The following NRXN1 variants were observed in gnomAD, a reference collection of about 807,000 sequenced individuals.
The protein encoded by NRXN1 is neurexin 1, also known as neurexin-1.
In NRXN1, 39 loss-of-function variants were observed where a neutral mutation model predicts 150.9. The ratio of observed to expected loss-of-function variants is 0.26; its 90% confidence interval spans 0.20 to 0.34. NRXN1 has a LOEUF of 0.34. Ranked by LOEUF, NRXN1 falls within the 10% of genes least tolerant of loss-of-function variation. NRXN1 has a pLI of 1.00. For synonymous variants in NRXN1, 924 were observed against 757.0 expected (o/e 1.22, Z -3.62); for missense variants, 1,815 against 1,949.9 (o/e 0.93, Z 1.30).
intron 21 of NRXN1, among the ~76,000 whole-genome samples, chr2:50,012,836 T>G (rs890415024): frequency 4.6e-5 from 7 of 152,154 alleles, no homozygotes; most frequent in African/African-American, 1.7e-4. Flanking sequence ...CATTTGAGTA[T>G]TGTTTTGTAT....
At chr2:50,488,767 A>G (rs772156709) in intron 15 of NRXN1, among the ~76,000 whole-genome samples, 40 of 152,188 alleles carry the variant, frequency 2.6e-4, no homozygotes, top group Non-Finnish European at 4.9e-4. Context: ...AACCCTGAAG[A>G]TTTAAATCTT....
chr2:49,976,682 C>G (rs572368727), intron 21 of NRXN1, among the ~76,000 whole-genome samples: 1 of 152,100 alleles, frequency 6.6e-6, no homozygotes. Flanking sequence ...TTCTGGCAAT[C>G]TCTGCTGAAG....
intron 5 of NRXN1, among the ~76,000 whole-genome samples, chr2:50,830,594 C>T (rs1671272479): frequency 6.6e-6 from 1 of 151,404 alleles, no homozygotes. Flanking sequence ...CATGAGCTGC[C>T]TGCACCAAGG....
intron 18 of NRXN1, among the ~76,000 whole-genome samples, chr2:50,123,068 A>C (rs1364085640): frequency 1.3e-5 from 2 of 152,216 alleles, no homozygotes; most frequent in African/African-American, 4.8e-5. Flanking sequence ...ATTTCAACTT[A>C]CATTTACCAA....
intron 8 of NRXN1, among the ~76,000 whole-genome samples, chr2:50,599,390 A>G (rs1171550266): frequency 1.3e-5 from 2 of 152,216 alleles, no homozygotes; most frequent in Admixed American, 1.3e-4. Flanking sequence ...GTAATAAAGA[A>G]ATATGTTTAC....
chr2:50,979,691 C>A (rs1030845894), intron 2 of NRXN1, among the ~76,000 whole-genome samples: 1 of 152,004 alleles, frequency 6.6e-6, no homozygotes, highest in Non-Finnish European at 1.5e-5. Flanking sequence ...CCTGTAAAAC[C>A]CCATGGATTC....
chr2:50,641,638 T>G (rs1217468161), intron 5 of NRXN1, among the ~76,000 whole-genome samples: 1 of 152,112 alleles, frequency 6.6e-6, no homozygotes, highest in Non-Finnish European at 1.5e-5. Flanking sequence ...GTGGGCAGCC[T>G]TAGCAGATTT....
intron 17 of NRXN1, among the ~76,000 whole-genome samples, chr2:50,342,566 C>A (rs187515634): frequency 7.8e-4 from 119 of 152,342 alleles, no homozygotes; most frequent in African/African-American, 2.6e-3. Flanking sequence ...TAACCTCCTG[C>A]CTCCTGGAAA....
chr2:50,012,993 G>C (rs747647289), intron 21 of NRXN1, among the ~76,000 whole-genome samples: 3 of 152,024 alleles, frequency 2.0e-5, no homozygotes, highest in Non-Finnish European at 4.4e-5. Flanking sequence ...TTGTGGGGGA[G>C]AAACCCTACC....
intron 5 of NRXN1, among the ~76,000 whole-genome samples, chr2:50,742,618 A>G (rs1699563542): frequency 6.6e-6 from 1 of 151,706 alleles, no homozygotes; most frequent in Non-Finnish European, 1.5e-5. Flanking sequence ...AAAAAAAAAA[A>G]AAAAAGAAAA....
At chr2:50,573,172 C>A (rs1670908085) in intron 8 of NRXN1, among the ~76,000 whole-genome samples, 1 of 151,868 alleles carries the variant, frequency 6.6e-6, no homozygotes, top group South Asian at 2.1e-4. Flanking sequence ...GAGTTCGAGA[C>A]CAGCCTAGGC....
chr2:50,519,049 CAA>C (rs1453192045), intron 12 of NRXN1, among the ~76,000 whole-genome samples: 1 of 151,818 alleles, frequency 6.6e-6, no homozygotes, highest in African/African-American at 2.4e-5. Flanking sequence ...TTAAAGAAAA[CAA>C]ATTCTAAGAA....
chr2:50,869,219 G>C (rs1490052964), intron 5 of NRXN1, among the ~76,000 whole-genome samples: 1 of 151,540 alleles, frequency 6.6e-6, no homozygotes, highest in African/African-American at 2.4e-5. Context: ...AGATGGCATT[G>C]GTCCTTTCTT....
chr2:50,205,474 G>A (rs181347629), intron 18 of NRXN1, among the ~76,000 whole-genome samples: 3 of 152,102 alleles, frequency 2.0e-5, no homozygotes, highest in Admixed American at 2.0e-4. Flanking sequence ...TTCAAAGTTT[G>A]AATATACATT....
intron 2 of NRXN1, among the ~76,000 whole-genome samples, chr2:50,982,230 T>A (rs1696946353): frequency 6.6e-6 from 1 of 152,138 alleles, no homozygotes; most frequent in African/African-American, 2.4e-5. Context: ...AAAACATTAC[T>A]TTATAGTGAT....
chr2:50,494,279 T>C (rs1401505838), intron 15 of NRXN1, among the ~76,000 whole-genome samples: 2 of 152,190 alleles, frequency 1.3e-5, no homozygotes, highest in Admixed American at 1.3e-4. Context: ...TAATTTCCAG[T>C]GAAGTTCACT....
intron 17 of NRXN1, among the ~76,000 whole-genome samples, chr2:50,464,908 A>G (rs1278673208): frequency 6.6e-6 from 1 of 151,888 alleles, no homozygotes; most frequent in Non-Finnish European, 1.5e-5. Flanking sequence ...TGTAATACTT[A>G]GTTAAAGGAT....
At chr2:50,240,656 G>A (rs188605043) in intron 17 of NRXN1, among the ~76,000 whole-genome samples, 1 of 151,680 alleles carries the variant, frequency 6.6e-6, no homozygotes, top group Non-Finnish European at 1.5e-5. Context: ...GACTCAGAGA[G>A]ATCTGGGTTC....
intron 2 of NRXN1, among the ~76,000 whole-genome samples, chr2:50,936,358 C>A (rs1260860054): frequency 6.6e-6 from 1 of 152,202 alleles, no homozygotes; most frequent in African/African-American, 2.4e-5. Context: ...GAATCAGCAT[C>A]CTGACTCAGT....
Sources: allele counts gnomAD v4.1 joint callset (sites outside exome capture counted in the v4.1 genomes callset), GRCh38; gene constraint gnomAD v4.1.1; transcripts MANE v1.5; gene names NCBI Gene and HGNC (gene_info 2026-07-23, HGNC 2026-07-21).